The following UBQLN1 variants were observed in gnomAD, a reference collection of about 807,000 sequenced individuals.
UBQLN1 encodes ubiquilin 1, also known as ubiquilin-1.
A neutral mutation model predicts 65.4 loss-of-function variants in UBQLN1; 13 were observed. The observed-to-expected ratio is 0.20, with a 90% confidence interval of 0.13 to 0.32. The LOEUF is 0.32. Among genes scored for constraint, UBQLN1 ranks in the 10% least tolerant of loss-of-function variants. The pLI is 1.00. For missense variants in UBQLN1, 561 were observed against 724.0 expected (o/e 0.77, Z 2.58); for synonymous variants, 267 against 247.8 (o/e 1.08, Z -0.73).
At chr9:83,673,806 A>G (rs1423550172) in intron 6 of UBQLN1, among the ~76,000 whole-genome samples, 3 of 151,956 alleles carry the variant, frequency 2.0e-5, no homozygotes, top group Admixed American at 1.3e-4. Flanking sequence ...TCATACTGTT[A>G]TTTGTTTTGT....
At chr9:83,695,021 A>C (rs916289542) in intron 1 of UBQLN1, among the ~76,000 whole-genome samples, 4 of 152,162 alleles carry the variant, frequency 2.6e-5, no homozygotes, top group African/African-American at 9.7e-5. Flanking sequence ...TTCTATATGG[A>C]AAGACTACCA....
intron 1 of UBQLN1, among the ~76,000 whole-genome samples, chr9:83,702,496 T>C (rs545619304): frequency 8.8e-4 from 134 of 152,272 alleles, no homozygotes; most frequent in African/African-American, 3.2e-3. Flanking sequence ...AGCAGAAATA[T>C]ATATAAGCCA....
At chr9:83,707,293 A>G (rs1832428067) in intron 1 of UBQLN1, among the ~76,000 whole-genome samples, 1 of 152,106 alleles carries the variant, frequency 6.6e-6, no homozygotes, top group Non-Finnish European at 1.5e-5. Context: ...AGCCCGTCCC[A>G]CAAACAGGCC....
chr9:83,683,787 C>A (rs1831990842), intron 2 of UBQLN1, among the ~76,000 whole-genome samples: 1 of 152,138 alleles, frequency 6.6e-6, no homozygotes, highest in Non-Finnish European at 1.5e-5. Flanking sequence ...CTTTGCGAGG[C>A]CGAGGCAGGC....
At chr9:83,663,060 G>A (rs1259715592) in intron 10 of UBQLN1, among the ~76,000 whole-genome samples, 3 of 129,734 alleles carry the variant, frequency 2.3e-5, no homozygotes, top group East Asian at 9.6e-4. Flanking sequence ...TGTCAAAAGG[G>A]AAAGGGAAAG....
At chr9:83,695,074 TG>T (rs1832187213) in intron 1 of UBQLN1, among the ~76,000 whole-genome samples, 1 of 151,808 alleles carries the variant, frequency 6.6e-6, no homozygotes, top group Non-Finnish European at 1.5e-5. Context: ...AAATTGTGGG[TG>T]GTTGACCCCA....
intron 1 of UBQLN1, among the ~76,000 whole-genome samples, chr9:83,689,279 T>C (rs1458374889): frequency 2.0e-5 from 3 of 152,250 alleles, no homozygotes; most frequent in Admixed American, 6.5e-5. Context: ...TAGTATGCCA[T>C]TGTATGAATA....
At chr9:83,662,061 C>T (rs1428979210) in intron 10 of UBQLN1, 122 bp from the exon 11 acceptor site, 3 of 794,076 alleles carry the variant, frequency 3.8e-6, no homozygotes, top group Admixed American at 3.0e-5. Context: ...TTTAAAAACA[C>T]TGCCCACCTC....
At chr9:83,704,784 C>T (rs1181660964) in intron 1 of UBQLN1, among the ~76,000 whole-genome samples, 1 of 135,852 alleles carries the variant, frequency 7.4e-6, no homozygotes, top group African/African-American at 2.8e-5. Context: ...CGACACCATG[C>T]CATTGCACTC....
intron 1 of UBQLN1, among the ~76,000 whole-genome samples, chr9:83,705,683 A>C (rs1403328604): frequency 6.6e-6 from 1 of 152,262 alleles, no homozygotes; most frequent in African/African-American, 2.4e-5. Context: ...GACTGTTCAT[A>C]GTAACTAACT....
At chr9:83,683,273 G>A (rs886967693) in intron 2 of UBQLN1, among the ~76,000 whole-genome samples, 9 of 152,020 alleles carry the variant, frequency 5.9e-5, no homozygotes, top group African/African-American at 1.7e-4. Flanking sequence ...TTAGCCGGGC[G>A]TGATGGCGAG....
chr9:83,696,113 T>C (rs980529830), intron 1 of UBQLN1, among the ~76,000 whole-genome samples: 19 of 152,194 alleles, frequency 1.2e-4, no homozygotes, highest in African/African-American at 4.3e-4. Context: ...CTAATTTTTG[T>C]ATTCTTAGTA....
intron 10 of UBQLN1, among the ~76,000 whole-genome samples, chr9:83,663,541 T>C (rs1831596127): frequency 6.6e-6 from 1 of 152,162 alleles, no homozygotes; most frequent in African/African-American, 2.4e-5. Flanking sequence ...CATTCCTCCC[T>C]AAGAACTTTT....
chr9:83,705,835 A>G (rs1832394179), intron 1 of UBQLN1, among the ~76,000 whole-genome samples: 1 of 150,938 alleles, frequency 6.6e-6, no homozygotes, highest in Admixed American at 6.6e-5. Context: ...GCTGAGTGGG[A>G]AAAAAAAGCC....
intron 10 of UBQLN1, among the ~76,000 whole-genome samples, chr9:83,663,136 G>A (rs993812497): frequency 6.7e-6 from 1 of 150,240 alleles, no homozygotes; most frequent in Non-Finnish European, 1.5e-5. Context: ...AGGGGAAGAG[G>A]AAAGGGAAAA....
In UBQLN1 at chr9:83,660,368, A is replaced by C. The variant is rs1254901865; in HGVS notation, c.*1419T>G. The C allele has an allele frequency of 1.3e-5, 2 of 152,616 alleles. No homozygotes were observed. The highest frequency in any genetic ancestry group is 4.8e-5 in the African/African-American group (2 of 41,440). 9.5% of individuals were successfully genotyped at this position (152,616 alleles called of 1,614,324 possible). A position where few individuals can be genotyped will look rare whatever the true frequency, so the allele number is the denominator to read the frequency against. On this transcript the variant is annotated 3_prime_UTR_variant, in exon 11 of 11. Coordinates refer to ENST00000376395, the MANE Select transcript of UBQLN1 (RefSeq NM_013438.5). Reference sequence around the variant, plus strand: ...TGTACATGAGAGAATATAATCACCTAAGAGAATACTGAACCAGAGTCAGCC... The same window carrying C: ...TGTACATGAGAGAATATAATCACCTCAGAGAATACTGAACCAGAGTCAGCC...
chr9:83,677,031 T>A (rs935545063), intron 6 of UBQLN1, among the ~76,000 whole-genome samples: 2 of 152,188 alleles, frequency 1.3e-5, no homozygotes, highest in Non-Finnish European at 2.9e-5. Flanking sequence ...TATGAAAGAT[T>A]TGGCTCCACA....
At position 83,679,986 on chromosome 9, in the gene UBQLN1, T is replaced by C. The variant is rs771465652; in HGVS notation, c.500A>G (p.Asn167Ser). 9.9e-6 allele frequency: 16 copies of C among 1,614,002 alleles called. No individual in the cohort carries two copies. The highest frequency in any genetic ancestry group is 6.7e-5 in the Admixed American group (4 of 60,000). ...GLSSLGLNTTNFSELQSQMQR... is the reference protein window; with the variant it reads ...GLSSLGLNTTSFSELQSQMQR... The stretch of plus-strand genomic sequence containing the variant: ...CATCTGACTCTGTAGTTCAGAGAAG[T>C]TGGTAGTATTCAAACCCAAGCTACT... Residue 167 changes from asparagine to serine, a missense_variant, in exon 4 of 11, where the codon AAC becomes AGC. Physicochemically the swap from Asn to Ser is conservative, Grantham distance 46. This residue lies in a region of UBQLN1 where 87 missense variants were observed against 88.8 expected (regional missense o/e 0.98). Transcript: ENST00000376395.
chr9:83,695,892 G>A lies in UBQLN1; in HGVS notation c.181-9737C>T, dbSNP rs574082004. 1.8e-3 allele frequency among the ~76,000 whole-genome samples: 268 copies of A among 152,260 alleles called. 1 individual carries two copies. Among genetic ancestry groups the A allele is most frequent in the African/African-American group, 6.2e-3 (256 of 41,540 alleles). On this transcript the variant is annotated intron_variant, in intron 1 of 10. Coordinates refer to ENST00000376395, the MANE Select transcript of UBQLN1 (RefSeq NM_013438.5). ...GTATCAACTTCAGTCTCTAAAAAAA[G>A]CTCCTAATCTCAATTTAATGGTATT...
Sources: gnomAD v4.1 joint callset for allele counts (sites outside exome capture counted in the v4.1 genomes callset) on GRCh38, gnomAD v4.1.1 for gene constraint, gnomAD v4.1.1 regional missense constraint, MANE v1.5 for transcripts, NCBI Gene and HGNC (gene_info 2026-07-23, HGNC 2026-07-21) for gene names.